The following RGS7 variants were observed in gnomAD, a reference collection of about 807,000 sequenced individuals.
RGS7 encodes regulator of G protein signaling 7, also known as regulator of G-protein signaling 7.
A neutral mutation model predicts 81.1 loss-of-function variants in RGS7; 27 were observed. The observed-to-expected ratio is 0.33, with a 90% confidence interval of 0.25 to 0.46. The LOEUF (loss-of-function observed/expected upper bound fraction) is 0.46. RGS7 is among the 20% of genes least tolerant of loss of function. The probability of loss-of-function intolerance (pLI) is 1.00; values close to 1 mark genes in which losing one functional copy is unlikely to be tolerated. For synonymous variants in RGS7, 208 were observed against 207.7 expected (o/e 1.00, Z -0.01); for missense variants, 396 against 607.4 (o/e 0.65, Z 3.66).
At chr1:241,233,884 G>A (rs938898135) in intron 2 of RGS7, among the ~76,000 whole-genome samples, 1 of 151,342 alleles carries the variant, frequency 6.6e-6, no homozygotes, top group Non-Finnish European at 1.5e-5. Flanking sequence ...AACGTATGAG[G>A]GTTCCCCTTT....
At chr1:241,023,420 T>C (rs1423053420) in intron 3 of RGS7, among the ~76,000 whole-genome samples, 1 of 152,190 alleles carries the variant, frequency 6.6e-6, no homozygotes, top group African/African-American at 2.4e-5. Context: ...CTTTGAAAAG[T>C]CATCATCAAT....
intron 2 of RGS7, among the ~76,000 whole-genome samples, chr1:241,106,386 C>T (rs2065096590): frequency 6.6e-6 from 1 of 152,060 alleles, no homozygotes; most frequent in Admixed American, 6.5e-5. Context: ...TAAATCTGTC[C>T]TAGTTTAACT....
chr1:240,805,815 T>C (rs947002025), intron 15 of RGS7, among the ~76,000 whole-genome samples: 1 of 152,206 alleles, frequency 6.6e-6, no homozygotes, highest in African/African-American at 2.4e-5. Context: ...AAAAATCTTT[T>C]ACTGAGGTGG....
intron 3 of RGS7, among the ~76,000 whole-genome samples, chr1:241,065,160 T>C (rs893194036): frequency 1.3e-5 from 2 of 150,970 alleles, no homozygotes; most frequent in Non-Finnish European, 2.9e-5. Flanking sequence ...ATGGGGACAA[T>C]AGCAAAAAAT....
At chr1:241,224,301 G>A (rs796179319) in intron 2 of RGS7, among the ~76,000 whole-genome samples, 49 of 113,000 alleles carry the variant, frequency 4.3e-4, no homozygotes, top group African/African-American at 1.6e-3. Flanking sequence ...CTATGTCCAC[G>A]TGTTCTCATT....
chr1:241,171,357 A>T (rs1468491604), intron 2 of RGS7, among the ~76,000 whole-genome samples: 1 of 152,234 alleles, frequency 6.6e-6, no homozygotes, highest in Non-Finnish European at 1.5e-5. Context: ...CATAAGGCAG[A>T]CATTGTTTCC....
rs979951177 is a variant in RGS7 at position 241,167,764 on chromosome 1, C to T, written c.79-69002G>A. On this transcript the variant is annotated intron_variant, in intron 2 of 18. Coordinates refer to ENST00000440928, the MANE Select transcript of RGS7 (RefSeq NM_001364886.1). ...CAATCTCCTGACCTCATGATCCTCC[C>T]GCCTCAGCCTCCCAAAGTACTGGGA... Among the ~76,000 whole-genome samples, 17 of 151,674 alleles carry T rather than the reference C, an allele frequency of 1.1e-4. 1 individual carries two copies. Among genetic ancestry groups the T allele is most frequent in the South Asian group, 4.2e-4 (2 of 4,792 alleles).
intron 2 of RGS7, among the ~76,000 whole-genome samples, chr1:241,287,711 G>A (rs375428712): frequency 2.6e-5 from 4 of 151,416 alleles, no homozygotes; most frequent in African/African-American, 7.3e-5. Flanking sequence ...TAATTCTATA[G>A]ATACCTACTT....
intron 2 of RGS7, among the ~76,000 whole-genome samples, chr1:241,171,842 A>AAAAAC (rs768460295): frequency 2.6e-5 from 4 of 152,210 alleles, no homozygotes; most frequent in African/African-American, 9.6e-5. Flanking sequence ...CAGCAGGTGA[A>AAAAAC]AAAACAAAAC....
chr1:241,261,213 T>C (rs1477990619), intron 2 of RGS7, among the ~76,000 whole-genome samples: 2 of 152,140 alleles, frequency 1.3e-5, no homozygotes, highest in Non-Finnish European at 2.9e-5. Flanking sequence ...AGGGCCCTGC[T>C]GGTGCCTCAA....
At chr1:240,994,131 T>C (rs1686926750) in intron 3 of RGS7, among the ~76,000 whole-genome samples, 1 of 152,350 alleles carries the variant, frequency 6.6e-6, no homozygotes, top group Middle Eastern at 3.4e-3. Flanking sequence ...TCCTCCCACA[T>C]TATTTTTCTT....
chr1:241,108,173 G>A (rs758499326), intron 2 of RGS7, among the ~76,000 whole-genome samples: 10 of 151,890 alleles, frequency 6.6e-5, no homozygotes, highest in Non-Finnish European at 1.0e-4. Flanking sequence ...GCGTAGTGAC[G>A]CGCGCCTGTA....
intron 3 of RGS7, among the ~76,000 whole-genome samples, chr1:241,051,715 A>C (rs1018420299): frequency 6.6e-6 from 1 of 152,184 alleles, no homozygotes; most frequent in Non-Finnish European, 1.5e-5. Flanking sequence ...AAAATCTGAG[A>C]ACCAAGATGC....
intron 2 of RGS7, among the ~76,000 whole-genome samples, chr1:241,165,519 C>T (rs2103224982): frequency 6.6e-6 from 1 of 151,468 alleles, no homozygotes; most frequent in East Asian, 1.9e-4. Context: ...TCTCAGTAAA[C>T]TATCGCAAGA....
rs144531165 is a variant in RGS7, at chr1:240,870,660, A to G, written c.386-541T>C. On this transcript the variant is annotated intron_variant, in intron 6 of 18. Transcript: ENST00000440928. ...ATAATCATTTAAAAATTTTTATTAA[A>G]TGGTCATCACAGTTTTTAGCATCTT... is the stretch of plus-strand genomic sequence containing the variant. Among the ~76,000 whole-genome samples, 371 of 152,318 alleles carry G rather than the reference A, an allele frequency of 2.4e-3. 4 individuals are homozygous for G. Among genetic ancestry groups the G allele is most frequent in the African/African-American group, 8.2e-3 (342 of 41,574 alleles).
intron 6 of RGS7, among the ~76,000 whole-genome samples, chr1:240,897,053 A>T (rs1669209621): frequency 6.6e-6 from 1 of 152,228 alleles, no homozygotes; most frequent in African/African-American, 2.4e-5. Context: ...GCAATTGTGA[A>T]TGGGAGTTCA....
intron 10 of RGS7, among the ~76,000 whole-genome samples, chr1:240,821,513 C>A (rs1317503433): frequency 6.6e-6 from 1 of 152,206 alleles, no homozygotes; most frequent in East Asian, 1.9e-4. Context: ...TTGCCTGCAC[C>A]TTTACTATAC....
intron 6 of RGS7, among the ~76,000 whole-genome samples, chr1:240,875,269 G>A (rs1278139653): frequency 1.3e-5 from 2 of 152,042 alleles, no homozygotes; most frequent in African/African-American, 4.8e-5. Flanking sequence ...TTCCACACGA[G>A]TGACATCACG....
intron 2 of RGS7, among the ~76,000 whole-genome samples, chr1:241,111,622 A>G (rs1336038165): frequency 6.6e-6 from 1 of 152,048 alleles, no homozygotes; most frequent in African/African-American, 2.4e-5. Flanking sequence ...TACAAGTAAA[A>G]AAAAAAATGA....
Sources: allele counts gnomAD v4.1 joint callset (sites outside exome capture counted in the v4.1 genomes callset), GRCh38; gene constraint gnomAD v4.1.1; transcripts MANE v1.5; gene names NCBI Gene and HGNC (gene_info 2026-07-23, HGNC 2026-07-21).